SNX7: variants seen among roughly 807,000 people sequenced by gnomAD.
The protein encoded by SNX7 is sorting nexin-7.
A neutral mutation model predicts 48.4 loss-of-function variants in SNX7; 35 were observed. That is an observed-to-expected ratio of 0.72 (90% CI 0.55 to 0.96). The LOEUF (loss-of-function observed/expected upper bound fraction) is 0.96, where lower values mean the gene tolerates loss of function less well. SNX7 is among the 40% of genes least tolerant of loss of function. SNX7 has a pLI of 0.00. For missense variants in SNX7, 553 were observed against 548.9 expected, an observed-to-expected ratio of 1.01 and a Z score of -0.07; for synonymous variants, 190 against 190.2, an observed-to-expected ratio of 1.00 and a Z score of 0.01.
intron 1 of SNX7, among the ~76,000 whole-genome samples, chr1:98,672,917 C>T (rs1185071276): frequency 1.0e-5 from 1 of 95,498 alleles, no homozygotes; most frequent in African/African-American, 4.2e-5. Context: ...GGCGACAGAG[C>T]GAGACTCCGT....
chr1:98,695,245 T>G (rs1651387738), intron 4 of SNX7, among the ~76,000 whole-genome samples: 1 of 152,154 alleles, frequency 6.6e-6, no homozygotes, highest in African/African-American at 2.4e-5. Flanking sequence ...ATTCTGTCGG[T>G]TAAACCCTGT....
chr1:98,708,799 A>G (rs1450654043), intron 7 of SNX7, among the ~76,000 whole-genome samples: 1 of 152,168 alleles, frequency 6.6e-6, no homozygotes, highest in Non-Finnish European at 1.5e-5. Context: ...ATAAACTTGT[A>G]AAGGATAATA....
intron 1 of SNX7, chr1:98,662,813 T>C (rs1032856140): frequency 8.5e-6 from 11 of 1,289,102 alleles, no homozygotes; most frequent in African/African-American, 3.0e-5. Flanking sequence ...CCTGGAGATA[T>C]TAGGTAAAGC....
intron 8 of SNX7, among the ~76,000 whole-genome samples, chr1:98,754,646 C>G (rs760543821): frequency 6.6e-6 from 1 of 151,894 alleles, no homozygotes. Flanking sequence ...TAGTGGAATC[C>G]GAACTAACAT....
In SNX7 at chr1:98,760,305, T is replaced by C. The variant is rs1655050148; in HGVS notation, c.*174T>C. The C allele has an allele frequency of 3.4e-6, 2 of 587,500 alleles. No homozygotes were observed. The highest frequency in any genetic ancestry group is 5.6e-5 in the East Asian group (2 of 35,780). The allele number at this position is 587,500 out of a possible 1,614,324, so 36.4% of individuals were successfully genotyped here. A position where few individuals can be genotyped will look rare whatever the true frequency, so the allele number is the denominator to read the frequency against. On this transcript the variant is annotated 3_prime_UTR_variant, in exon 9 of 9. Transcript: ENST00000306121. ...GGTCACTGACATGAATTTGAAGATA[T>C]ATCTATCTGTATGGATATATATCTA...
At chr1:98,677,247 A>G (rs979504298) in intron 1 of SNX7, 3 of 152,234 alleles carry the variant, frequency 2.0e-5, no homozygotes, top group Non-Finnish European at 4.4e-5. Flanking sequence ...AATTTTATTT[A>G]TAAAGAATAA....
At chr1:98,703,010 T>A (rs954293044) in intron 7 of SNX7, among the ~76,000 whole-genome samples, 3 of 152,122 alleles carry the variant, frequency 2.0e-5, no homozygotes, top group Non-Finnish European at 2.9e-5. Context: ...TCCCTAACTT[T>A]AATCACTTCC....
intron 2 of SNX7, 139 bp downstream of exon 2, chr1:98,685,206 A>G (rs1650728729): frequency 2.1e-6 from 1 of 476,700 alleles, no homozygotes; most frequent in Admixed American, 4.2e-5. Context: ...CCTTTTGGCT[A>G]ACACATTGCT....
rs565842481 is a variant in SNX7 at position 98,716,700 on chromosome 1, T to C, written c.1125+14797T>C. Among the ~76,000 whole-genome samples the C allele has an allele frequency of 3.3e-5, 5 of 152,264 alleles. No homozygotes were observed. The South Asian group carries it at 1.0e-3, about 32-fold the overall frequency. On this transcript the variant is annotated intron_variant, in intron 7 of 8. Transcript: ENST00000306121. ...TGTAACCTAACTCTGTACTCCCTGA[T>C]GTATCATAAATACAATTTTTTTTTT...
intron 6 of SNX7, among the ~76,000 whole-genome samples, chr1:98,700,314 C>A (rs943976939): frequency 6.6e-6 from 1 of 152,080 alleles, no homozygotes; most frequent in Admixed American, 6.6e-5. Flanking sequence ...TCTGAAGCAA[C>A]CTTTTACTCA....
rs1356780145 is a variant in SNX7, at chr1:98,665,870, G to T, written c.180+3959G>T. ...CTCCCAAAGTGCAGGGATTACAGGC[G>T]TGAGCCACCGTGCCCAGCTGAAAAG... On this transcript the variant is annotated intron_variant, in intron 1 of 8. Transcript: ENST00000306121. 2.0e-5 allele frequency among the ~76,000 whole-genome samples: 3 copies of T among 152,134 alleles called. No homozygotes were observed. The East Asian group carries it at 5.8e-4, about 29-fold the overall frequency.
chr1:98,697,459 T>G (rs916069109), intron 5 of SNX7, among the ~76,000 whole-genome samples: 1 of 152,046 alleles, frequency 6.6e-6, no homozygotes, highest in Non-Finnish European at 1.5e-5. Context: ...TGCTTATAAA[T>G]TTTCCACCAC....
intron 7 of SNX7, among the ~76,000 whole-genome samples, chr1:98,706,185 T>C (rs1651995082): frequency 6.6e-6 from 1 of 152,034 alleles, no homozygotes; most frequent in African/African-American, 2.4e-5. Flanking sequence ...TTTTAGTGGG[T>C]TAAAAAAAGA....
intron 7 of SNX7, among the ~76,000 whole-genome samples, chr1:98,721,052 T>C (rs1652843225): frequency 2.0e-5 from 3 of 151,738 alleles, no homozygotes; most frequent in Non-Finnish European, 4.4e-5. Context: ...CATCTCCCAA[T>C]AGATGTTCAT....
rs1220276515 is a variant in SNX7 at position 98,667,920 on chromosome 1, C to A, written c.180+6009C>A. Among the ~76,000 whole-genome samples, 239 of 148,364 alleles carry A rather than the reference C, an allele frequency of 1.6e-3. 2 individuals carry two copies. Among genetic ancestry groups the A allele is most frequent in the Middle Eastern group, 0.014 (4 of 284 alleles). On this transcript the variant is annotated intron_variant, in intron 1 of 8. Transcript: ENST00000306121. ...ATTTTGATGATTAGGAAAAAAAAAA[C>A]AAAAAAAACAAAACAAACAAACAAA...
At chr1:98,667,162 ATTGT>A (rs1300305344) in intron 1 of SNX7, among the ~76,000 whole-genome samples, 2 of 152,218 alleles carry the variant, frequency 1.3e-5, no homozygotes, top group Admixed American at 1.3e-4. Context: ...ATGTTTTCAG[ATTGT>A]TTGTTACACA....
At chr1:98,689,481 A>C (rs1650993421) in intron 2 of SNX7, among the ~76,000 whole-genome samples, 1 of 152,170 alleles carries the variant, frequency 6.6e-6, no homozygotes, top group Non-Finnish European at 1.5e-5. Context: ...GATAGACTGA[A>C]CCAATTATTT....
chr1:98,721,127 C>A (rs933487387), intron 7 of SNX7, among the ~76,000 whole-genome samples: 1 of 152,028 alleles, frequency 6.6e-6, no homozygotes. Context: ...CTCCAAAACC[C>A]AAAATGCTCC....
In SNX7 at chr1:98,696,510, C is replaced by T. The variant is rs550257316; in HGVS notation, c.838+794C>T. ...TTGTTCAGTGATTGAAAAAAAACCACGAATGAACATAAGATTTGGAATGGT... is the reference window on the plus strand; with the variant it reads ...TTGTTCAGTGATTGAAAAAAAACCATGAATGAACATAAGATTTGGAATGGT... On this transcript the variant is annotated intron_variant, in intron 5 of 8. Coordinates refer to ENST00000306121, the MANE Select transcript of SNX7 (RefSeq NM_015976.5). 2.3e-4 allele frequency among the ~76,000 whole-genome samples: 35 copies of T among 151,662 alleles called. 1 individual carries two copies. The South Asian group carries it at 7.1e-3, about 31-fold the overall frequency.
Sources: gnomAD v4.1 joint callset for allele counts (sites outside exome capture counted in the v4.1 genomes callset) on GRCh38, gnomAD v4.1.1 for gene constraint, MANE v1.5 for transcripts, NCBI Gene and HGNC (gene_info 2026-07-23, HGNC 2026-07-21) for gene names.